DOCK8: variants seen among roughly 807,000 people sequenced by gnomAD.
DOCK8 encodes the protein dedicator of cytokinesis protein 8.
DOCK8 carries 141 observed loss-of-function variants against 245.6 expected under a neutral mutation model. The ratio of observed to expected loss-of-function variants is 0.57; its 90% CI spans 0.50 to 0.66. The LOEUF is 0.66. Among genes scored for constraint, DOCK8 ranks in the 30% least tolerant of loss-of-function variants. The probability of loss-of-function intolerance (pLI) is 0.00; values close to 1 mark genes in which losing one functional copy is unlikely to be tolerated. For synonymous variants in DOCK8, 1,168 were observed against 970.2 expected, an observed-to-expected ratio of 1.20 and a Z score of -3.79; for missense variants, 2,965 against 2,603.4, an observed-to-expected ratio of 1.14 and a Z score of -3.02.
chr9:439,216 C>T, intron 39 of DOCK8, 29 bp from the exon 40 acceptor site: 1 of 1,614,094 alleles, frequency 6.2e-7, no homozygotes, highest in Non-Finnish European at 8.5e-7. Flanking sequence ...TCGCCCTGTT[C>T]TCCAGGCTTA....
At chr9:450,303 A>G (rs1386426004) in intron 45 of DOCK8, among the ~76,000 whole-genome samples, 2 of 152,146 alleles carry the variant, frequency 1.3e-5, no homozygotes, top group Non-Finnish European at 2.9e-5. Context: ...CTCACCTACA[A>G]ATGCCTATAG....
At chr9:229,238 G>C (rs1359567926) in intron 1 of DOCK8, among the ~76,000 whole-genome samples, 1 of 152,164 alleles carries the variant, frequency 6.6e-6, no homozygotes, top group African/African-American at 2.4e-5. Flanking sequence ...TCAGATTTCA[G>C]AATGTTTAAT....
rs2055615908 is a variant in DOCK8, at chr9:409,595, A to C, written c.3530+2526A>C. 2.0e-5 allele frequency among the ~76,000 whole-genome samples: 3 copies of C among 152,046 alleles called. No individual in the cohort carries two copies. The South Asian group carries it at 6.2e-4, about 32-fold the overall frequency. On this transcript the variant is annotated intron_variant, in intron 28 of 47. Transcript: ENST00000432829. ...AAATCTGGATTCTTTTTTTATTATTATCATACTTTAAGTTCTAGGGTACAT... is the reference window on the plus strand; with the variant it reads ...AAATCTGGATTCTTTTTTTATTATTCTCATACTTTAAGTTCTAGGGTACAT...
chr9:399,313 A>T, intron 26 of DOCK8, 54 bp downstream of exon 26: 1 of 1,197,338 alleles, frequency 8.4e-7, no homozygotes, highest in Non-Finnish European at 1.2e-6. Context: ...TCCTTCTCAT[A>T]TAATGTGATG....
At position 340,262 on chromosome 9, in the gene DOCK8, G is replaced by T; in HGVS notation, c.1620G>T (p.Pro540=). The change falls in exon 14 of 48, where the codon CCG becomes CCT. Residue 540 remains proline (P), a synonymous_variant. Coordinates refer to ENST00000432829, the MANE Select transcript of DOCK8 (RefSeq NM_203447.4). The part of the protein sequence containing the change: ...VKPFPENRTR[P]HKEILEFPTR... ...CCTTTCCTGAAAACCGGACACGCCCGCACAAAGAGATTTTGGAATTTCCAA... is the reference window on the plus strand; with the variant it reads ...CCTTTCCTGAAAACCGGACACGCCCTCACAAAGAGATTTTGGAATTTCCAA... 1 of 1,614,120 alleles carries T rather than the reference G, an allele frequency of 6.2e-7. No homozygotes were observed. Among genetic ancestry groups the T allele is most frequent in the South Asian group, 1.1e-5 (1 of 91,082 alleles).
At chr9:328,776 A>C (rs997466321) in intron 9 of DOCK8, among the ~76,000 whole-genome samples, 3 of 151,708 alleles carry the variant, frequency 2.0e-5, no homozygotes, top group African/African-American at 7.3e-5. Flanking sequence ...TGAGAGTTGA[A>C]ATCTATGGGG....
chr9:395,287 C>G (rs556839628), intron 24 of DOCK8, among the ~76,000 whole-genome samples: 1 of 152,194 alleles, frequency 6.6e-6, no homozygotes, highest in East Asian at 1.9e-4. Flanking sequence ...CTGGCCATGG[C>G]GTTGTCTGAA....
intron 25 of DOCK8, among the ~76,000 whole-genome samples, chr9:398,254 G>A (rs900343863): frequency 6.6e-6 from 1 of 152,206 alleles, no homozygotes; most frequent in African/African-American, 2.4e-5. Flanking sequence ...GCACCCAGGA[G>A]GAGTGGCCAT....
rs2049149996 is a variant in DOCK8 at position 293,929 on chromosome 9, C to T, written c.404+4348C>T. ...CATTAAGGAAAAGGCAAATCTCATG[C>T]CTCACTACTTACCAGTGTCCTACCC... On this transcript the variant is annotated intron_variant, in intron 4 of 47. Transcript: ENST00000432829. Among the ~76,000 whole-genome samples the T allele has an allele frequency of 2.6e-5, 4 of 152,328 alleles. No individual in the cohort carries two copies. In the South Asian group the frequency reaches 8.3e-4, roughly 32 times the overall value.
At chr9:399,529 C>G (rs979054599) in intron 26 of DOCK8, among the ~76,000 whole-genome samples, 6 of 152,094 alleles carry the variant, frequency 3.9e-5, no homozygotes, top group Non-Finnish European at 8.8e-5. Flanking sequence ...TGATCTGAAT[C>G]TTCAATTTGA....
Position 380,022 on chromosome 9 carries a change from A to G in DOCK8, c.2605+87A>G, listed in dbSNP as rs891079704. Reference sequence around the variant, plus strand: ...AGTGTAATCCAAAATAAAACATCCTATGCTGGGTGCAGGGGCTCACATCTG... The same window carrying G: ...AGTGTAATCCAAAATAAAACATCCTGTGCTGGGTGCAGGGGCTCACATCTG... On this transcript the variant is annotated intron_variant, in intron 21 of 47. Coordinates refer to ENST00000432829, the MANE Select transcript of DOCK8 (RefSeq NM_203447.4). 35 of 1,478,474 alleles carry G rather than the reference A, an allele frequency of 2.4e-5. 1 individual carries two copies. The highest frequency in any genetic ancestry group is 2.1e-4 in the South Asian group (17 of 82,570). 91.6% of individuals were successfully genotyped at this position (1,478,474 alleles called of 1,614,324 possible). A position where few individuals can be genotyped will look rare whatever the true frequency, so the allele number is the denominator to read the frequency against.
chr9:286,917 G>C (rs1312293080), intron 3 of DOCK8, among the ~76,000 whole-genome samples: 2 of 152,126 alleles, frequency 1.3e-5, no homozygotes, highest in African/African-American at 4.8e-5. Context: ...GCAGGCTCTG[G>C]AGCCAGACCA....
chr9:439,518 C>T, intron 40 of DOCK8, 130 bp downstream of exon 40: 1 of 1,255,456 alleles, frequency 8.0e-7, no homozygotes, highest in South Asian at 1.3e-5. Flanking sequence ...GTGTGCGGGG[C>T]AGGGGATGGG....
At chr9:389,064 A>T (rs898478635) in intron 23 of DOCK8, among the ~76,000 whole-genome samples, 1 of 152,230 alleles carries the variant, frequency 6.6e-6, no homozygotes, top group Non-Finnish European at 1.5e-5. Context: ...ATGAAAGAAA[A>T]CCACAGAAAA....
At position 339,011 on chromosome 9, in the gene DOCK8, A is replaced by C; in HGVS notation, c.1428A>C (p.Gly476=). The change falls in exon 13 of 48, where the codon GGA becomes GGC. Residue 476 remains glycine, a synonymous_variant. Transcript: ENST00000432829. The stretch of plus-strand genomic sequence containing the variant: ...TCTGACTTTTCTCTTGGCAGGAAGG[A>C]GATCGCCTTAGCGATGAAGACTTAT... ...LSVSSFFKQE[G]DRLSDEDLFK... The C allele has an allele frequency of 6.2e-7, 1 of 1,613,930 alleles. No individual in the cohort carries two copies. Among genetic ancestry groups the C allele is most frequent in the Non-Finnish European group, 8.5e-7 (1 of 1,179,828 alleles).
At chr9:230,185 G>A (rs531979965) in intron 1 of DOCK8, among the ~76,000 whole-genome samples, 1 of 151,856 alleles carries the variant, frequency 6.6e-6, no homozygotes, top group South Asian at 2.1e-4. Context: ...ATAGTTTGCT[G>A]AGAATGATGG....
chr9:403,955 T>C (rs1397857384), intron 26 of DOCK8, among the ~76,000 whole-genome samples: 3 of 91,004 alleles, frequency 3.3e-5, no homozygotes, highest in African/African-American at 1.9e-4. Context: ...TGTATATATA[T>C]ATATGTATAT....
At chr9:277,442 A>G (rs946755868) in intron 2 of DOCK8, among the ~76,000 whole-genome samples, 1 of 122,800 alleles carries the variant, frequency 8.1e-6, no homozygotes, top group Non-Finnish European at 1.6e-5. Context: ...AAAAGAGAAG[A>G]GAGGAGAAGA....
chr9:273,098 A>G, intron 2 of DOCK8: 1 of 985,438 alleles, frequency 1.0e-6, no homozygotes, highest in Non-Finnish European at 1.2e-6. Context: ...GAATCTTTCA[A>G]AGGTATGTTT....
Sources: gnomAD v4.1 joint callset for allele counts (sites outside exome capture counted in the v4.1 genomes callset) on GRCh38, gnomAD v4.1.1 for gene constraint, MANE v1.5 for transcripts, NCBI Gene and HGNC (gene_info 2026-07-23, HGNC 2026-07-21) for gene names.